Variants in CACNA1C observed in about 807,000 individuals in gnomAD.
CACNA1C encodes calcium voltage-gated channel subunit alpha1 C.
In CACNA1C, 30 loss-of-function variants were observed where a neutral mutation model predicts 229.0. The observed-to-expected ratio is 0.13, with a 90% CI of 0.10 to 0.18. The LOEUF (loss-of-function observed/expected upper bound fraction) is 0.18. Among genes scored for constraint, CACNA1C ranks in the 10% least tolerant of loss-of-function variants. The pLI, the probability that CACNA1C is intolerant of heterozygous loss-of-function variation, is 1.00. For synonymous variants in CACNA1C, 1,114 were observed against 1,132.5 expected, an observed-to-expected ratio of 0.98 and a Z score of 0.33; for missense variants, 1,658 against 2,845.0, an observed-to-expected ratio of 0.58 and a Z score of 9.49.
At position 2,647,278 on chromosome 12, in the gene CACNA1C, CG is replaced by C. The variant is rs1345726667; in HGVS notation, c.3913-1193del. ...AGCAGCTCAGATGGTCAAGATCAGT[CG>C]GGGCTGAGCCCTCTGTGCTGGAGCC... On this transcript the variant is annotated intron_variant, in intron 30 of 46. Transcript: ENST00000399655. This position sits in a 1 kb window ranked among gnomAD's most constrained non-coding sequence, Gnocchi z 4.2. 7.9e-5 allele frequency among the ~76,000 whole-genome samples: 12 copies of C among 152,306 alleles called. No homozygotes were observed. The highest frequency in any genetic ancestry group is 1.5e-4 in the Non-Finnish European group (10 of 68,022).
rs1603449454 is a variant in CACNA1C at position 2,677,819 on chromosome 12, G to A, written c.5043G>A (p.Lys1681=). Residue 1681 remains lysine, a synonymous_variant, in exon 41 of 47, where the codon AAG becomes AAA. Transcript: ENST00000399655. The surrounding 1 kb of genome is among the most constrained non-coding windows in gnomAD (Gnocchi z 7.4). The part of the protein sequence containing the change: ...GDLTAEEELD[K]AMKEAVSAAS... ...TCACCGCTGAGGAGGAGCTGGACAA[G>A]GCCATGAAGGAGGCTGTGTCCGCTG... 1.9e-6 allele frequency: 3 copies of A among 1,614,040 alleles called. No individual in the cohort carries two copies. In the East Asian group the frequency reaches 6.7e-5, roughly 36 times the overall value.
chr12:2,240,468 T>C (rs1435344694), intron 3 of CACNA1C, among the ~76,000 whole-genome samples: 1 of 152,164 alleles, frequency 6.6e-6, no homozygotes, highest in African/African-American at 2.4e-5. Context: ...CTGAGGCAGG[T>C]AGAATCCAAC....
chr12:2,433,910 A>AT (rs1244954886), intron 3 of CACNA1C, among the ~76,000 whole-genome samples: 1 of 152,064 alleles, frequency 6.6e-6, no homozygotes, highest in Non-Finnish European at 1.5e-5. Context: ...TTAAATAGTT[A>AT]TTTTTACTGT....
chr12:2,443,968 C>CACACAGTGCACACAAATGCT, intron 3 of CACNA1C, among the ~76,000 whole-genome samples: 1 of 152,214 alleles, frequency 6.6e-6, no homozygotes, highest in Non-Finnish European at 1.5e-5. Context: ...CACACGCACA[C>CACACAGTGCACACAAATGCT]ACACAGTGCA....
intron 5 of CACNA1C, among the ~76,000 whole-genome samples, chr12:2,458,550 A>C (rs982555233): frequency 2.0e-5 from 3 of 152,140 alleles, no homozygotes; most frequent in Non-Finnish European, 4.4e-5. Context: ...CATTTGCTTA[A>C]ATTTTGCTTT....
At chr12:2,145,698 T>G (rs1379763742) in intron 3 of CACNA1C, among the ~76,000 whole-genome samples, 1 of 151,306 alleles carries the variant, frequency 6.6e-6, no homozygotes. Flanking sequence ...AAACGCTAGA[T>G]TAAATCTTGA....
chr12:2,495,608 G>T (rs768399881), intron 7 of CACNA1C, among the ~76,000 whole-genome samples: 10 of 152,226 alleles, frequency 6.6e-5, no homozygotes, highest in Admixed American at 2.0e-4. Flanking sequence ...AGCAGAAGCA[G>T]CAACAACTGC....
chr12:2,685,215 T>C (rs1403356041), intron 43 of CACNA1C, among the ~76,000 whole-genome samples: 1 of 151,162 alleles, frequency 6.6e-6, no homozygotes, highest in East Asian at 1.9e-4. Flanking sequence ...AGATGCCCCA[T>C]GAGGTCCCTC....
intron 3 of CACNA1C, among the ~76,000 whole-genome samples, chr12:2,211,884 A>G (rs1024484733): frequency 6.6e-6 from 1 of 151,438 alleles, no homozygotes; most frequent in African/African-American, 2.4e-5. Flanking sequence ...ACTCCCGGCT[A>G]ATTTTTTTGT....
chr12:2,364,583 G>T (rs754349973), intron 3 of CACNA1C, among the ~76,000 whole-genome samples: 1 of 152,178 alleles, frequency 6.6e-6, no homozygotes, highest in Admixed American at 6.5e-5. Context: ...AATTTCACTC[G>T]GCTAAAAGCA....
At chr12:2,447,460 C>G (rs1297076058) in intron 3 of CACNA1C, among the ~76,000 whole-genome samples, 1 of 152,176 alleles carries the variant, frequency 6.6e-6, no homozygotes, top group Non-Finnish European at 1.5e-5. Context: ...TCAGAAACAC[C>G]TGGAAATTGT....
At chr12:2,153,712 G>A (rs562163696) in intron 3 of CACNA1C, among the ~76,000 whole-genome samples, 1 of 152,180 alleles carries the variant, frequency 6.6e-6, no homozygotes, top group Non-Finnish European at 1.5e-5. Flanking sequence ...TGCGTGGGGT[G>A]GGGCAGCCCT....
intron 1 of CACNA1C, among the ~76,000 whole-genome samples, chr12:2,047,552 TACTC>T (rs1397927255): frequency 1.3e-5 from 2 of 152,236 alleles, no homozygotes; most frequent in Non-Finnish European, 2.9e-5. Flanking sequence ...TAGCACCTGA[TACTC>T]ACCAGGCATA....
chr12:2,691,438 G>A lies in CACNA1C; in HGVS notation c.*239G>A. 2.5e-6 allele frequency: 1 copy of A among 404,828 alleles called. No homozygotes were observed. The highest frequency in any genetic ancestry group is 4.3e-6 in the Non-Finnish European group (1 of 234,910). 25.1% of individuals were successfully genotyped at this position (404,828 alleles called of 1,614,324 possible). On this transcript the variant is annotated 3_prime_UTR_variant, in exon 47 of 47. Coordinates refer to ENST00000399655, the MANE Select transcript of CACNA1C (RefSeq NM_000719.7). ...GAGGGTCCCGGGGCGCGAGGAAGGC[G>A]CCTGCCCTCTCCCAGCTCGCAGGCC...
At chr12:2,359,740 G>A (rs2154530178) in intron 3 of CACNA1C, among the ~76,000 whole-genome samples, 1 of 152,216 alleles carries the variant, frequency 6.6e-6, no homozygotes, top group South Asian at 2.1e-4. Context: ...GCTGACAGGT[G>A]ACCTAGTAAT....
chr12:2,183,509 G>T (rs925995390), intron 3 of CACNA1C, among the ~76,000 whole-genome samples: 1 of 152,220 alleles, frequency 6.6e-6, no homozygotes, highest in African/African-American at 2.4e-5. Context: ...CTGATGCATA[G>T]TTCAGTTTGA....
rs1292636308 is a variant in CACNA1C, at chr12:2,669,040, G to A, written c.4726+5G>A. On this transcript the variant is annotated splice_donor_5th_base_variant and intron_variant, in intron 38 of 46. Coordinates refer to ENST00000399655, the MANE Select transcript of CACNA1C (RefSeq NM_000719.7). ...CCCTGAGGATCAAAACAGAAGGTAA[G>A]GTCGCCCGTGGGCACTGGGAGAGAC... 6.3e-7 allele frequency: 1 copy of A among 1,592,908 alleles called. No homozygotes were observed. The highest frequency in any genetic ancestry group is 1.7e-4 in the Middle Eastern group (1 of 6,036).
At chr12:2,589,900 A>C (rs1303023063) in intron 18 of CACNA1C, among the ~76,000 whole-genome samples, 1 of 152,192 alleles carries the variant, frequency 6.6e-6, no homozygotes, top group Non-Finnish European at 1.5e-5. Flanking sequence ...AGAGAGGGAA[A>C]GAGAAATGTA....
At chr12:2,519,572 G>A (rs946479044) in intron 9 of CACNA1C, among the ~76,000 whole-genome samples, 2 of 152,222 alleles carry the variant, frequency 1.3e-5, no homozygotes, top group South Asian at 2.1e-4. Context: ...CCCCCCATAC[G>A]TGTGGACAGT....
Sources: gnomAD v4.1 joint callset for allele counts (sites outside exome capture counted in the v4.1 genomes callset) on GRCh38, gnomAD v4.1.1 for gene constraint, Gnocchi (gnomAD v3.1) non-coding constraint, MANE v1.5 for transcripts, NCBI Gene and HGNC (gene_info 2026-07-23, HGNC 2026-07-21) for gene names.